Variants in BCR observed in about 807,000 individuals in gnomAD.
BCR encodes BCR activator of RhoGEF and GTPase.
In BCR, 58 loss-of-function variants were observed where a neutral mutation model predicts 138.6. That is an observed-to-expected ratio of 0.42 (90% CI 0.34 to 0.52). The LOEUF is 0.52. Among genes scored for constraint, BCR ranks in the 20% least tolerant of loss-of-function variants. BCR has a pLI of 0.06. For synonymous variants in BCR, 786 were observed against 730.1 expected, an observed-to-expected ratio of 1.08 and a Z score of -1.23; for missense variants, 1,599 against 1,727.2, an observed-to-expected ratio of 0.93 and a Z score of 1.32.
At chr22:23,210,306 G>A (rs9608087) in intron 1 of BCR, among the ~76,000 whole-genome samples, 10,287 of 151,638 alleles carry the variant, frequency 0.068, 1,158 homozygotes, top group African/African-American at 0.23. Flanking sequence ...AGTCCTGGCC[G>A]CTTGAGAAAC....
intron 1 of BCR, among the ~76,000 whole-genome samples, chr22:23,203,413 G>A (rs138510289): frequency 2.6e-5 from 4 of 152,348 alleles, no homozygotes; most frequent in African/African-American, 2.4e-5. Context: ...CGTCTGAGCT[G>A]TGTGGGGCCT....
rs1282452842 is a variant in BCR at position 23,273,001 on chromosome 22, C to T, written c.1922-80C>T. ...AGGCTGGGGCAGCCCCCTCCCCACT[C>T]ACCCTTGCACCGAGGGTGGTCAGGC... On this transcript the variant is annotated intron_variant, in intron 6 of 22. Transcript: ENST00000305877. 1.0e-5 allele frequency: 15 copies of T among 1,499,970 alleles called. No homozygotes were observed. The Admixed American group carries it at 1.2e-4, about 12-fold the overall frequency. The allele number at this position is 1,499,970 out of a possible 1,614,324, so 92.9% of individuals were successfully genotyped here.
At chr22:23,217,911 G>T (rs1281181268) in intron 1 of BCR, among the ~76,000 whole-genome samples, 7 of 152,244 alleles carry the variant, frequency 4.6e-5, no homozygotes, top group Non-Finnish European at 7.3e-5. Flanking sequence ...TTGACGTCCA[G>T]ATCCTGCTGG....
At chr22:23,263,773 G>C (rs1235925469) in intron 4 of BCR, 30 of 1,421,858 alleles carry the variant, frequency 2.1e-5, no homozygotes, top group Admixed American at 1.0e-4. Context: ...ATTGTGAGTG[G>C]CTCCAGGGAC....
chr22:23,273,826 C>T (rs775093254), intron 8 of BCR, 52 bp downstream of exon 8: 1 of 1,605,654 alleles, frequency 6.2e-7, no homozygotes, highest in East Asian at 2.2e-5. Context: ...GAGCTGGGGG[C>T]ATGCAGGGCC....
chr22:23,202,903 A>G (rs1401067052), intron 1 of BCR, among the ~76,000 whole-genome samples: 1 of 151,842 alleles, frequency 6.6e-6, no homozygotes, highest in African/African-American at 2.4e-5. Flanking sequence ...TCGCTCTGCC[A>G]TCTCACTCTG....
chr22:23,200,082 G>A (rs12171237), intron 1 of BCR, among the ~76,000 whole-genome samples: 5,316 of 146,150 alleles, frequency 0.036, 353 homozygotes, highest in African/African-American at 0.13. Flanking sequence ...GCAAGACTGC[G>A]TCTCAAAAAA....
intron 8 of BCR, among the ~76,000 whole-genome samples, 174 bp downstream of exon 8, chr22:23,273,948 CA>C (rs1398098188): frequency 1.3e-5 from 2 of 152,224 alleles, no homozygotes; most frequent in African/African-American, 4.8e-5. Flanking sequence ...GGTGCAGTCT[CA>C]GGGGTGACCC....
intron 1 of BCR, among the ~76,000 whole-genome samples, chr22:23,208,716 A>C (rs1213160632): frequency 6.6e-6 from 1 of 152,154 alleles, no homozygotes; most frequent in East Asian, 1.9e-4. Context: ...TTAGCCAGGC[A>C]TGGTAGCGGG....
intron 1 of BCR, among the ~76,000 whole-genome samples, chr22:23,212,072 A>G (rs2072691763): frequency 6.6e-6 from 1 of 151,734 alleles, no homozygotes; most frequent in South Asian, 2.1e-4. Context: ...GGGAAACTGC[A>G]CTCTCTGACC....
chr22:23,313,944 G>A (rs2074036278), intron 20 of BCR, 24 bp from the exon 21 acceptor site: 3 of 1,602,706 alleles, frequency 1.9e-6, no homozygotes, highest in Non-Finnish European at 2.6e-6. Flanking sequence ...GTGACCCCAA[G>A]GAGTAACCCA....
At chr22:23,236,837 C>A (rs1052348977) in intron 1 of BCR, among the ~76,000 whole-genome samples, 1 of 152,292 alleles carries the variant, frequency 6.6e-6, no homozygotes, top group South Asian at 2.1e-4. Context: ...TCTCTACTGG[C>A]CTGTCTGGGA....
At chr22:23,230,749 C>T (rs1313334137) in intron 1 of BCR, among the ~76,000 whole-genome samples, 1 of 152,228 alleles carries the variant, frequency 6.6e-6, no homozygotes, top group Non-Finnish European at 1.5e-5. Flanking sequence ...GCCACTGGTG[C>T]ATAAAGATCT....
chr22:23,314,933 T>C (rs568922992), intron 22 of BCR, among the ~76,000 whole-genome samples: 26 of 152,318 alleles, frequency 1.7e-4, no homozygotes, highest in South Asian at 6.2e-4. Context: ...AGCTTAAAAC[T>C]ACCTCAAGTG....
rs1312548413 is a variant in BCR at position 23,290,250 on chromosome 22, C to CG, written c.2708-87dup. 5.5e-5 allele frequency: 74 copies of CG among 1,335,516 alleles called. 1 individual carries two copies. Among genetic ancestry groups the CG allele is most frequent in the Non-Finnish European group, 7.3e-5 (68 of 927,976 alleles). The allele number at this position is 1,335,516 out of a possible 1,614,324, so 82.7% of individuals were successfully genotyped here. A position where few individuals can be genotyped will look rare whatever the true frequency, so the allele number is the denominator to read the frequency against. On this transcript the variant is annotated intron_variant, in intron 13 of 22. Transcript: ENST00000305877. ...CAGATGGCAGCCACACAGTGTCCACCGGATGGTTGATTTTGAAGCAGAGTT... is the reference window on the plus strand; with the variant it reads ...CAGATGGCAGCCACACAGTGTCCACCGGGATGGTTGATTTTGAAGCAGAGTT...
At chr22:23,312,560 C>T (rs28394603) in intron 19 of BCR, 56,699 of 270,602 alleles carry the variant, frequency 0.21, 6,571 homozygotes, top group East Asian at 0.59. Flanking sequence ...TGCTATCAGA[C>T]GACACTGGTG....
intron 16 of BCR, among the ~76,000 whole-genome samples, chr22:23,303,026 GC>G (rs34228265): frequency 0.12 from 18,460 of 148,946 alleles, 1,323 homozygotes; most frequent in Middle Eastern, 0.21. Context: ...AGGCTGCATG[GC>G]CCCCCCCACC....
Position 23,181,018 on chromosome 22 carries a change from C to T in BCR, c.58C>T (p.Pro20Ser). 6 of 1,492,318 alleles carry T rather than the reference C, an allele frequency of 4.0e-6. No homozygotes were observed. Among genetic ancestry groups the T allele is most frequent in the South Asian group, 2.6e-5 (2 of 77,500 alleles). 92.4% of individuals were successfully genotyped at this position (1,492,318 alleles called of 1,614,324 possible). Residue 20 changes from proline (P) to serine (S), a missense_variant, in exon 1 of 23, where the codon CCC becomes TCC. By Grantham distance (74) the Pro-to-Ser change is moderately conservative (BLOSUM62 -1). Transcript: ENST00000305877. ...AWKAQFPDSE[P>S]PRMELRSVGD... The stretch of plus-strand genomic sequence containing the variant: ...GAAGGCGCAGTTCCCGGACTCAGAG[C>T]CCCCGCGCATGGAGCTGCGCTCAGT...
intron 1 of BCR, among the ~76,000 whole-genome samples, chr22:23,211,156 T>A (rs1339515802): frequency 6.6e-6 from 1 of 152,198 alleles, no homozygotes; most frequent in Non-Finnish European, 1.5e-5. Flanking sequence ...GATCACATGG[T>A]ACATAGCTTT....
Sources: allele counts gnomAD v4.1 joint callset (sites outside exome capture counted in the v4.1 genomes callset), GRCh38; gene constraint gnomAD v4.1.1; transcripts MANE v1.5; gene names NCBI Gene and HGNC (gene_info 2026-07-23, HGNC 2026-07-21).